Variants in FDFT1 observed in about 807,000 individuals in gnomAD.
FDFT1 encodes squalene synthase.
Under a neutral mutation model 46.8 loss-of-function variants are expected in FDFT1, and 68 were observed. The ratio of observed to expected loss-of-function variants is 1.45; its 90% CI spans 1.19 to 1.78. FDFT1 has a LOEUF of 1.78. Among genes scored for constraint, FDFT1 ranks in the 40% most tolerant of loss-of-function variants. The pLI, the probability that FDFT1 is intolerant of heterozygous loss-of-function variation, is 0.00. For synonymous variants in FDFT1, 351 were observed against 185.1 expected, an observed-to-expected ratio of 1.90 and a Z score of -7.28; for missense variants, 928 against 524.4, an observed-to-expected ratio of 1.77 and a Z score of -7.52.
At chr8:11,796,893 G>T (rs951508420) in intron 1 of FDFT1, among the ~76,000 whole-genome samples, 11 of 152,254 alleles carry the variant, frequency 7.2e-5, no homozygotes, top group African/African-American at 2.7e-4. Flanking sequence ...CAGTGTGACA[G>T]CTCCGTGACT....
intron 3 of FDFT1, among the ~76,000 whole-genome samples, chr8:11,816,842 A>T (rs545417837): frequency 6.6e-6 from 1 of 152,264 alleles, no homozygotes; most frequent in East Asian, 1.9e-4. Context: ...CTCTTTTCCT[A>T]ATTGAATACC....
At chr8:11,831,112 A>G (rs951407450) in intron 6 of FDFT1, among the ~76,000 whole-genome samples, 4 of 152,216 alleles carry the variant, frequency 2.6e-5, no homozygotes, top group African/African-American at 9.6e-5. Flanking sequence ...TTAAATATAT[A>G]ATGATTATGT....
chr8:11,814,366 T>A (rs1227829799), intron 3 of FDFT1, among the ~76,000 whole-genome samples: 2 of 149,426 alleles, frequency 1.3e-5, no homozygotes, highest in Non-Finnish European at 2.9e-5. Context: ...AAATCCTAAA[T>A]TATGTGTATT....
rs1449416172 is a variant in FDFT1, at chr8:11,820,622, T to G, written c.382-1128T>G. Among the ~76,000 whole-genome samples, 3 of 152,264 alleles carry G rather than the reference T, an allele frequency of 2.0e-5. No homozygotes were observed. In the South Asian group the frequency reaches 6.2e-4, roughly 32 times the overall value. On this transcript the variant is annotated intron_variant, in intron 3 of 7. Transcript: ENST00000220584. ...CAAGCTCCAGCATCCCAGCTTGATCTCAGACTGCTTGGCTAGCAGCAAGCA... is the reference window on the plus strand; with the variant it reads ...CAAGCTCCAGCATCCCAGCTTGATCGCAGACTGCTTGGCTAGCAGCAAGCA...
At chr8:11,821,634 G>C in intron 3 of FDFT1, 116 bp from the exon 4 acceptor site, 2 of 1,228,566 alleles carry the variant, frequency 1.6e-6, no homozygotes, top group Non-Finnish European at 2.3e-6. Flanking sequence ...CCTAAATTAG[G>C]CTTATAGATG....
At chr8:11,827,218 A>G (rs979042227) in intron 5 of FDFT1, among the ~76,000 whole-genome samples, 3 of 152,098 alleles carry the variant, frequency 2.0e-5, no homozygotes, top group African/African-American at 4.8e-5. Context: ...TCTCATACTT[A>G]TAATCCCAGT....
chr8:11,832,393 A>G (rs1174236827), intron 7 of FDFT1, among the ~76,000 whole-genome samples: 1 of 151,424 alleles, frequency 6.6e-6, no homozygotes, highest in East Asian at 1.9e-4. Context: ...CATTTCTACA[A>G]AAAATTTAAA....
chr8:11,800,364 T>A (rs117160301), upstream of FDFT1, among the ~76,000 whole-genome samples: 2 of 150,862 alleles, frequency 1.3e-5, no homozygotes, highest in Non-Finnish European at 2.9e-5. Flanking sequence ...GCCAGCAGTT[T>A]TGCCATGGGA....
At chr8:11,801,340 A>G (rs1424027470), upstream of FDFT1, among the ~76,000 whole-genome samples, 3 of 152,114 alleles carry the variant, frequency 2.0e-5, no homozygotes, top group African/African-American at 4.8e-5. Context: ...TGTTTTTGAG[A>G]TGAAGTCTCG....
chr8:11,804,927 A>AG (rs34486675), intron 1 of FDFT1, among the ~76,000 whole-genome samples: 82,273 of 120,642 alleles, frequency 0.68, 27,354 homozygotes, highest in South Asian at 0.77. Flanking sequence ...TTTTTTTTTG[A>AG]GGGGGGGGTC....
upstream of FDFT1, among the ~76,000 whole-genome samples, chr8:11,797,321 C>G (rs1427597787): frequency 6.6e-6 from 1 of 152,158 alleles, no homozygotes; most frequent in Admixed American, 6.5e-5. Context: ...GTTATCCATT[C>G]GTATGTTCAG....
At chr8:11,831,155 T>C (rs1810724142) in intron 6 of FDFT1, among the ~76,000 whole-genome samples, 1 of 152,204 alleles carries the variant, frequency 6.6e-6, no homozygotes, top group Non-Finnish European at 1.5e-5. Flanking sequence ...ACAACTACAA[T>C]AGAAAATTCT....
At chr8:11,805,313 T>G (rs1353159474) in intron 1 of FDFT1, among the ~76,000 whole-genome samples, 4 of 152,124 alleles carry the variant, frequency 2.6e-5, no homozygotes, top group South Asian at 2.1e-4. Flanking sequence ...AATTTCAGGG[T>G]TTAGTAAACT....
intron 3 of FDFT1, among the ~76,000 whole-genome samples, chr8:11,813,073 C>T (rs117169211): frequency 6.6e-6 from 1 of 152,260 alleles, no homozygotes; most frequent in East Asian, 1.9e-4. Flanking sequence ...TGGTACTGTA[C>T]TGAATACTGT....
At chr8:11,824,458 C>G (rs1023647954) in intron 4 of FDFT1, among the ~76,000 whole-genome samples, 2 of 152,208 alleles carry the variant, frequency 1.3e-5, no homozygotes, top group Non-Finnish European at 2.9e-5. Context: ...ACACTTAAGT[C>G]ATACTACCTA....
chr8:11,809,110 G>T (rs866345465), intron 2 of FDFT1: 5 of 1,285,888 alleles, frequency 3.9e-6, no homozygotes, highest in Non-Finnish European at 5.0e-6. Context: ...AGAGAAGAGG[G>T]GGGAGGGGGT....
At chr8:11,820,333 G>A (rs1356073246) in intron 3 of FDFT1, among the ~76,000 whole-genome samples, 2 of 152,170 alleles carry the variant, frequency 1.3e-5, no homozygotes, top group South Asian at 2.1e-4. Context: ...CAGTCTGTCC[G>A]TTACTGGAGT....
chr8:11,824,245 T>A (rs916871255), intron 4 of FDFT1, among the ~76,000 whole-genome samples: 3 of 152,316 alleles, frequency 2.0e-5, no homozygotes, highest in Middle Eastern at 3.4e-3. Flanking sequence ...AATTATTGTA[T>A]GTGGATATTG....
chr8:11,818,662 T>G (rs1399087921), intron 3 of FDFT1, among the ~76,000 whole-genome samples: 1 of 152,198 alleles, frequency 6.6e-6, no homozygotes, highest in South Asian at 2.1e-4. Flanking sequence ...AAGTCTGTTT[T>G]ATTAGAGACT....
Sources: allele counts gnomAD v4.1 joint callset (sites outside exome capture counted in the v4.1 genomes callset), GRCh38; gene constraint gnomAD v4.1.1; transcripts MANE v1.5; gene names NCBI Gene and HGNC (gene_info 2026-07-23, HGNC 2026-07-21).